PRKCB: variants seen among roughly 807,000 people sequenced by gnomAD.
PRKCB encodes the protein protein kinase C beta.
A neutral mutation model predicts 81.5 loss-of-function variants in PRKCB; 13 were observed. That is an observed-to-expected ratio of 0.16 (90% CI 0.10 to 0.25). PRKCB has a LOEUF of 0.25. Ranked by LOEUF, PRKCB falls within the 10% of genes least tolerant of loss-of-function variation. The pLI is 1.00. For synonymous variants in PRKCB, 335 were observed against 321.4 expected, an observed-to-expected ratio of 1.04 and a Z score of -0.45; for missense variants, 509 against 875.7, an observed-to-expected ratio of 0.58 and a Z score of 5.29.
At chr16:23,965,886 G>A (rs1403246269) in intron 2 of PRKCB, among the ~76,000 whole-genome samples, 1 of 152,228 alleles carries the variant, frequency 6.6e-6, no homozygotes, top group African/African-American at 2.4e-5. Context: ...TTCTGGTGCT[G>A]TGGCACCACA....
At chr16:23,897,141 G>A (rs1473608899) in intron 2 of PRKCB, among the ~76,000 whole-genome samples, 1 of 152,220 alleles carries the variant, frequency 6.6e-6, no homozygotes, top group Non-Finnish European at 1.5e-5. Flanking sequence ...ATGGGATGGA[G>A]GGCCCATGAT....
At chr16:23,971,777 G>A (rs1964560442) in intron 2 of PRKCB, among the ~76,000 whole-genome samples, 1 of 152,048 alleles carries the variant, frequency 6.6e-6, no homozygotes, top group Admixed American at 6.6e-5. Context: ...CATCTAGAAT[G>A]CAAAACATAT....
chr16:23,856,086 AG>A (rs781028432), intron 2 of PRKCB, among the ~76,000 whole-genome samples: 22 of 152,180 alleles, frequency 1.4e-4, no homozygotes, highest in Admixed American at 5.2e-4. Flanking sequence ...CCAGATTCAT[AG>A]ACTGTACTTG....
At chr16:24,208,720 C>T (rs1968085841) in intron 16 of PRKCB, among the ~76,000 whole-genome samples, 1 of 152,100 alleles carries the variant, frequency 6.6e-6, no homozygotes, top group African/African-American at 2.4e-5. Context: ...CTGAGCTGCC[C>T]ATACTTCAAG....
intron 15 of PRKCB, among the ~76,000 whole-genome samples, chr16:24,186,733 T>G (rs1199249434): frequency 6.6e-6 from 1 of 152,160 alleles, no homozygotes; most frequent in Non-Finnish European, 1.5e-5. Flanking sequence ...CTTGGCCCAG[T>G]TTGGAATAGC....
intron 2 of PRKCB, among the ~76,000 whole-genome samples, chr16:23,892,222 G>A (rs1963306338): frequency 2.8e-5 from 1 of 35,242 alleles, no homozygotes; most frequent in Non-Finnish European, 5.0e-5. Context: ...GATGTGTTGA[G>A]AAAACTTACA....
At chr16:24,028,181 T>A (rs556528195) in intron 3 of PRKCB, among the ~76,000 whole-genome samples, 2 of 152,300 alleles carry the variant, frequency 1.3e-5, no homozygotes, top group South Asian at 4.1e-4. Context: ...CTCTGCCTCT[T>A]GGGTTCAAGC....
chr16:23,962,522 C>G lies in PRKCB; in HGVS notation c.206-25986C>G, dbSNP rs184099498. Among the ~76,000 whole-genome samples the G allele has an allele frequency of 3.3e-5, 5 of 152,302 alleles. No individual in the cohort carries two copies. The East Asian group carries it at 9.6e-4, about 29-fold the overall frequency. ...TTTGGGAACCTCTAACCTGGTCACC[C>G]ATCTCTGCCAAGCCTGAGTTAGATG... On this transcript the variant is annotated intron_variant, in intron 2 of 16. Coordinates refer to ENST00000643927, the MANE Select transcript of PRKCB (RefSeq NM_002738.7).
At chr16:23,863,631 A>G (rs1438873427) in intron 2 of PRKCB, among the ~76,000 whole-genome samples, 1 of 152,194 alleles carries the variant, frequency 6.6e-6, no homozygotes, top group Non-Finnish European at 1.5e-5. Flanking sequence ...TCATTTTCGT[A>G]TGGAAAGTGT....
chr16:24,039,172 G>A (rs564912823), intron 5 of PRKCB, among the ~76,000 whole-genome samples: 35 of 152,264 alleles, frequency 2.3e-4, no homozygotes, highest in Middle Eastern at 6.8e-3. Flanking sequence ...CTGGTACCTC[G>A]ATCTTGGACT....
At chr16:23,946,253 T>C (rs1377599540) in intron 2 of PRKCB, among the ~76,000 whole-genome samples, 1 of 152,162 alleles carries the variant, frequency 6.6e-6, no homozygotes, top group Non-Finnish European at 1.5e-5. Context: ...GCTGGCTAAT[T>C]CTGCCTGGAT....
intron 2 of PRKCB, among the ~76,000 whole-genome samples, chr16:23,930,289 C>G (rs924332446): frequency 6.6e-6 from 1 of 152,076 alleles, no homozygotes; most frequent in African/African-American, 2.4e-5. Context: ...TTTATGGAAG[C>G]CTGGCATGGT....
chr16:24,160,369 T>C (rs1263808885), intron 10 of PRKCB, among the ~76,000 whole-genome samples: 1 of 152,172 alleles, frequency 6.6e-6, no homozygotes, highest in Non-Finnish European at 1.5e-5. Context: ...GTGACACCTC[T>C]TTCTGGGGAT....
chr16:23,842,612 AG>A (rs1174958294), intron 2 of PRKCB, among the ~76,000 whole-genome samples: 8 of 152,244 alleles, frequency 5.3e-5, no homozygotes, highest in Non-Finnish European at 1.2e-4. Flanking sequence ...TGGACTCTCT[AG>A]AAAAACCCCA....
At chr16:23,894,074 CA>C (rs1193674189) in intron 2 of PRKCB, among the ~76,000 whole-genome samples, 1 of 152,150 alleles carries the variant, frequency 6.6e-6, no homozygotes, top group Non-Finnish European at 1.5e-5. Flanking sequence ...TATGCATTTG[CA>C]ATCAGCTGGG....
At chr16:24,126,413 T>C (rs9934728) in intron 9 of PRKCB, among the ~76,000 whole-genome samples, 18,723 of 152,070 alleles carry the variant, frequency 0.12, 1,375 homozygotes, top group East Asian at 0.26. Context: ...CTTTTTGAGA[T>C]AGAGTCTCAC....
chr16:23,865,162 A>T (rs1962749203), intron 2 of PRKCB, among the ~76,000 whole-genome samples: 1 of 152,160 alleles, frequency 6.6e-6, no homozygotes. Context: ...CTCTATGCAC[A>T]CAAGTTAGAA....
At chr16:24,126,735 C>G (rs1004264499) in intron 9 of PRKCB, among the ~76,000 whole-genome samples, 1 of 151,906 alleles carries the variant, frequency 6.6e-6, no homozygotes, top group Non-Finnish European at 1.5e-5. Context: ...AGGGTTTCAC[C>G]ATGTTGACCA....
At chr16:24,091,748 C>T (rs372227839) in intron 5 of PRKCB, among the ~76,000 whole-genome samples, 7 of 152,220 alleles carry the variant, frequency 4.6e-5, no homozygotes, top group Admixed American at 2.0e-4. Flanking sequence ...GTAGGTGGGA[C>T]CACAGGCACC....
Sources: gnomAD v4.1 joint callset for allele counts (sites outside exome capture counted in the v4.1 genomes callset) on GRCh38, gnomAD v4.1.1 for gene constraint, MANE v1.5 for transcripts, NCBI Gene and HGNC (gene_info 2026-07-23, HGNC 2026-07-21) for gene names.